The following ZNF385D variants were observed in gnomAD, a reference collection of about 807,000 sequenced individuals.
ZNF385D encodes the protein zinc finger protein 659.
A neutral mutation model predicts 35.8 loss-of-function variants in ZNF385D; 15 were observed. That is an observed-to-expected ratio of 0.42 (90% CI 0.28 to 0.64). ZNF385D has a LOEUF of 0.64. Among genes scored for constraint, ZNF385D ranks in the 30% least tolerant of loss-of-function variants. The pLI is 0.23. For synonymous variants in ZNF385D, 212 were observed against 186.8 expected (o/e 1.13, Z -1.10); for missense variants, 474 against 494.6 (o/e 0.96, Z 0.39).
chr3:22,171,186 T>G (rs1384331811), intron 2 of ZNF385D, among the ~76,000 whole-genome samples: 2 of 152,184 alleles, frequency 1.3e-5, no homozygotes, highest in Admixed American at 6.5e-5. Flanking sequence ...CAGCTTAGGT[T>G]TGCCAGAATT....
chr3:22,007,801 ATATAT>A (rs1212186831), intron 3 of ZNF385D, among the ~76,000 whole-genome samples: 2 of 144,634 alleles, frequency 1.4e-5, no homozygotes, highest in Admixed American at 1.3e-4. Flanking sequence ...GATATGATAT[ATATAT>A]TATTTTTTCC....
At chr3:22,348,735 T>C (rs943212417) in intron 2 of ZNF385D, among the ~76,000 whole-genome samples, 9 of 151,926 alleles carry the variant, frequency 5.9e-5, no homozygotes, top group Non-Finnish European at 8.8e-5. Context: ...CAGGCACTTA[T>C]AGGGGAATAT....
chr3:22,127,664 T>A (rs891527861), intron 3 of ZNF385D, among the ~76,000 whole-genome samples: 5 of 152,006 alleles, frequency 3.3e-5, no homozygotes, highest in African/African-American at 1.2e-4. Context: ...GATTTGAAAT[T>A]CCCATGAGGC....
At chr3:21,690,346 G>T (rs2067242138) in intron 1 of ZNF385D, among the ~76,000 whole-genome samples, 2 of 152,170 alleles carry the variant, frequency 1.3e-5, no homozygotes, top group Admixed American at 6.5e-5. Flanking sequence ...GAATGCATAT[G>T]TAATTGATAC....
intron 3 of ZNF385D, among the ~76,000 whole-genome samples, chr3:21,866,357 G>A (rs543703242): frequency 3.9e-4 from 59 of 152,252 alleles, no homozygotes; most frequent in African/African-American, 1.3e-3. Flanking sequence ...GGGAGGCTGA[G>A]GAAGGAGAAT....
intron 1 of ZNF385D, among the ~76,000 whole-genome samples, chr3:21,728,774 C>G (rs1443215272): frequency 6.6e-6 from 1 of 152,202 alleles, no homozygotes; most frequent in Non-Finnish European, 1.5e-5. Flanking sequence ...CCTAATGAGG[C>G]CCACTCCTGC....
chr3:22,233,333 C>T (rs1264871622), intron 2 of ZNF385D, among the ~76,000 whole-genome samples: 3 of 151,908 alleles, frequency 2.0e-5, no homozygotes, highest in South Asian at 2.1e-4. Context: ...AGGGTAAGTA[C>T]TATATTATTT....
intron 3 of ZNF385D, among the ~76,000 whole-genome samples, chr3:21,825,715 CTG>C (rs1232430986): frequency 6.6e-6 from 1 of 152,162 alleles, no homozygotes; most frequent in Admixed American, 6.5e-5. Context: ...GTCTCTTTCT[CTG>C]TGTTTGTCTC....
rs141546720 is a variant in ZNF385D at position 22,201,257 on chromosome 3, G to A, written c.107-32222C>T. Reference sequence around the variant, plus strand: ...ACGTTCTTCTGCCGTGGCTTCAGCCGGTCCCTTCATTTGGGGTCCCTGACA... The same window carrying A: ...ACGTTCTTCTGCCGTGGCTTCAGCCAGTCCCTTCATTTGGGGTCCCTGACA... On this transcript the variant is annotated intron_variant, in intron 2 of 5. Coordinates refer to the ZNF385D transcript ENST00000494108. 1.4e-4 allele frequency among the ~76,000 whole-genome samples: 22 copies of A among 152,160 alleles called. No homozygotes were observed. In the East Asian group the frequency reaches 2.5e-3, roughly 17 times the overall value.
intron 2 of ZNF385D, among the ~76,000 whole-genome samples, chr3:22,228,936 AGGCCTTC>A (rs1410530458): frequency 1.3e-5 from 2 of 152,236 alleles, no homozygotes; most frequent in African/African-American, 4.8e-5. Context: ...AGGAGCTCTT[AGGCCTTC>A]GGCCACAGGC....
chr3:21,721,269 C>T (rs2068530121), intron 1 of ZNF385D, among the ~76,000 whole-genome samples: 1 of 151,914 alleles, frequency 6.6e-6, no homozygotes. Flanking sequence ...AAGATTCTTA[C>T]CTTCAGGTAG....
chr3:21,747,444 G>A (rs571710233), intron 1 of ZNF385D, among the ~76,000 whole-genome samples: 1 of 152,282 alleles, frequency 6.6e-6, no homozygotes, highest in African/African-American at 2.4e-5. Context: ...CAGCCACACA[G>A]AATTTCTTCA....
chr3:21,619,651 A>C (rs2064946934), intron 2 of ZNF385D, among the ~76,000 whole-genome samples: 1 of 152,150 alleles, frequency 6.6e-6, no homozygotes, highest in South Asian at 2.1e-4. Context: ...GTCTTTGTCC[A>C]TCTGGGGAAT....
At chr3:21,787,168 C>G (rs920329952) in intron 3 of ZNF385D, among the ~76,000 whole-genome samples, 2 of 152,120 alleles carry the variant, frequency 1.3e-5, no homozygotes, top group Non-Finnish European at 2.9e-5. Flanking sequence ...CTTCAAGTAA[C>G]TATCTGGGGG....
At chr3:22,149,740 G>A (rs1202975706) in intron 3 of ZNF385D, among the ~76,000 whole-genome samples, 6 of 152,150 alleles carry the variant, frequency 3.9e-5, no homozygotes, top group African/African-American at 1.4e-4. Context: ...CCTTCCCAGA[G>A]TTGTTGCTGA....
intron 4 of ZNF385D, among the ~76,000 whole-genome samples, chr3:21,445,506 A>G (rs1404411356): frequency 6.6e-6 from 1 of 152,212 alleles, no homozygotes; most frequent in Non-Finnish European, 1.5e-5. Context: ...ATTCTAGGAA[A>G]GAAGCCTTGG....
chr3:21,787,073 C>G (rs2071717770), intron 3 of ZNF385D, among the ~76,000 whole-genome samples: 2 of 151,920 alleles, frequency 1.3e-5, no homozygotes, highest in Admixed American at 1.3e-4. Flanking sequence ...AGAGAGCAAA[C>G]AATAATAGAT....
intron 2 of ZNF385D, among the ~76,000 whole-genome samples, chr3:22,236,164 G>A (rs919194200): frequency 6.6e-6 from 1 of 151,830 alleles, no homozygotes; most frequent in African/African-American, 2.4e-5. Context: ...TGTAAGTAAT[G>A]GTATAATCCA....
At chr3:22,085,661 G>T (rs1344062982) in intron 3 of ZNF385D, among the ~76,000 whole-genome samples, 1 of 152,190 alleles carries the variant, frequency 6.6e-6, no homozygotes, top group East Asian at 1.9e-4. Context: ...AGAGGAGCTG[G>T]TACCATTTCT....
Sources: allele counts gnomAD v4.1 joint callset (sites outside exome capture counted in the v4.1 genomes callset), GRCh38; gene constraint gnomAD v4.1.1; transcripts MANE v1.5; gene names NCBI Gene and HGNC (gene_info 2026-07-23, HGNC 2026-07-21).